GPR89B: variants seen among roughly 807,000 people sequenced by gnomAD.
GPR89B encodes G protein-coupled receptor 89B.
In GPR89B, 25 loss-of-function variants were observed where a neutral mutation model predicts 52.4. The ratio of observed to expected loss-of-function variants is 0.48; its 90% confidence interval spans 0.35 to 0.67. The LOEUF (loss-of-function observed/expected upper bound fraction) is 0.67, where lower values mean the gene tolerates loss of function less well. GPR89B is among the 30% of genes least tolerant of loss of function. The pLI is 0.01. For missense variants in GPR89B, 146 were observed against 450.2 expected (o/e 0.32, Z 6.11); for synonymous variants, 52 against 151.2 (o/e 0.34, Z 4.81).
At chr1:147,986,012 T>C (rs2149092747) in intron 10 of GPR89B, among the ~76,000 whole-genome samples, 187 bp from the exon 11 acceptor site, 1 of 152,362 alleles carries the variant, frequency 6.6e-6, no homozygotes, top group Non-Finnish European at 1.5e-5. Flanking sequence ...TAGGGACTTT[T>C]GTTTGCCTAT....
chr1:147,937,241 A>C (rs1654166047), intron 2 of GPR89B, among the ~76,000 whole-genome samples: 1 of 151,730 alleles, frequency 6.6e-6, no homozygotes, highest in African/African-American at 2.4e-5. Flanking sequence ...AAAACCAGCA[A>C]GTTTTTATTA....
chr1:147,990,901 C>G (rs2149096794), intron 12 of GPR89B, among the ~76,000 whole-genome samples: 1 of 151,764 alleles, frequency 6.6e-6, no homozygotes, highest in South Asian at 2.1e-4. Context: ...CAGCTTTGTT[C>G]TTTTGGCTTA....
chr1:147,982,253 G>C (rs1324625154), intron 10 of GPR89B, among the ~76,000 whole-genome samples: 1 of 151,324 alleles, frequency 6.6e-6, no homozygotes, highest in Non-Finnish European at 1.5e-5. Context: ...GTAGAGACAG[G>C]GTTTCACCAT....
the GPR89B span, among the ~76,000 whole-genome samples, chr1:148,018,909 G>T: frequency 1.3e-5 from 2 of 149,934 alleles, no homozygotes; most frequent in Non-Finnish European, 3.0e-5. Flanking sequence ...CAGGTGATCC[G>T]CCCGCCTCGG....
chr1:147,979,596 G>T (rs1284153935), intron 10 of GPR89B, among the ~76,000 whole-genome samples: 1 of 152,058 alleles, frequency 6.6e-6, no homozygotes, highest in African/African-American at 2.4e-5. Context: ...TCATGAAAAG[G>T]TGTTGGATTT....
intron 7 of GPR89B, among the ~76,000 whole-genome samples, chr1:147,956,755 T>TA (rs1304704817): frequency 9.9e-5 from 15 of 151,206 alleles, no homozygotes; most frequent in African/African-American, 3.4e-4. Context: ...TTTTTTTTTT[T>TA]AAGACGGAGT....
chr1:147,971,268 G>C (rs1260943085), intron 10 of GPR89B, among the ~76,000 whole-genome samples: 1 of 151,232 alleles, frequency 6.6e-6, no homozygotes, highest in Non-Finnish European at 1.5e-5. Context: ...TCCTGCCTCA[G>C]CCTCCCGAGT....
At chr1:148,024,014 G>A in the GPR89B span, among the ~76,000 whole-genome samples, 5 of 147,018 alleles carry the variant, frequency 3.4e-5, 1 homozygote, top group East Asian at 3.9e-4. Flanking sequence ...TCTTTGCCAC[G>A]TCTGATGTTG....
chr1:147,957,892 A>G (rs1182050214), intron 7 of GPR89B, among the ~76,000 whole-genome samples: 1 of 151,930 alleles, frequency 6.6e-6, no homozygotes, highest in East Asian at 1.9e-4. Flanking sequence ...GTGAAACCCC[A>G]TCTCTACTAA....
chr1:147,989,382 C>A (rs1280227963), intron 12 of GPR89B, among the ~76,000 whole-genome samples: 1 of 151,554 alleles, frequency 6.6e-6, no homozygotes, highest in Non-Finnish European at 1.5e-5. Flanking sequence ...TTTCCAAGAT[C>A]CTATAAATGG....
chr1:147,937,252 G>C lies in GPR89B; in HGVS notation c.102+566G>C, dbSNP rs587617534. ...CCACAAAACCAGCAAGTTTTTATTA[G>C]GGATTTCAAAAGGGGAGGGAGTGTA... is the stretch of plus-strand genomic sequence containing the variant. On this transcript the variant is annotated intron_variant, in intron 2 of 13. Transcript: ENST00000314163. 3.5e-3 allele frequency among the ~76,000 whole-genome samples: 532 copies of C among 151,768 alleles called. 6 individuals are homozygous for C. Among genetic ancestry groups the C allele is most frequent in the African/African-American group, 0.012 (498 of 41,136 alleles).
chr1:147,952,997 G>GTT (rs71228114), intron 5 of GPR89B, among the ~76,000 whole-genome samples: 14 of 128,856 alleles, frequency 1.1e-4, no homozygotes, highest in African/African-American at 3.2e-4. Context: ...TACTTTCTTA[G>GTT]TTTTTTTTTT....
the GPR89B span, among the ~76,000 whole-genome samples, chr1:148,018,278 G>A: frequency 2.1e-5 from 3 of 145,032 alleles, no homozygotes; most frequent in Admixed American, 2.0e-4. Flanking sequence ...AAATAGCCAG[G>A]CGTGGTGGCG....
At chr1:148,005,666 A>G in the GPR89B span, among the ~76,000 whole-genome samples, 1 of 152,176 alleles carries the variant, frequency 6.6e-6, no homozygotes, top group Non-Finnish European at 1.5e-5. Context: ...GTCAACCTTA[A>G]TGTTATCACA....
Position 147,968,735 on chromosome 1 carries a change from T to C in GPR89B, c.728-140T>C, listed in dbSNP as rs1182299676. The C allele has an allele frequency of 2.1e-5, 29 of 1,367,258 alleles. 1 individual carries two copies. In the African/African-American group the frequency reaches 3.5e-4, roughly 16 times the overall value. 84.7% of individuals were successfully genotyped at this position (1,367,258 alleles called of 1,614,324 possible). ...TTGGGAAAGTTGCTCTGAAGTAGTG[T>C]TGCTGGCTATGAAACAGGAAATTGA... is the stretch of plus-strand genomic sequence containing the variant. On this transcript the variant is annotated intron_variant, in intron 8 of 13. Transcript: ENST00000314163.
rs201906551 is a variant in GPR89B, at chr1:147,936,694, G to A, written c.102+8G>A. The A allele has an allele frequency of 3.3e-5, 53 of 1,603,410 alleles. 1 individual carries two copies. In the South Asian group the frequency reaches 3.7e-4, roughly 11 times the overall value. ...TTGTTTAAAGACTATGAGGTGAGAA[G>A]AAATCATTTTGTCATACTTACACTA... On this transcript the variant is annotated splice_region_variant and intron_variant, in intron 2 of 13. Coordinates refer to ENST00000314163, the MANE Select transcript of GPR89B (RefSeq NM_016334.5).
chr1:147,985,003 C>G (rs1337072272), intron 10 of GPR89B, among the ~76,000 whole-genome samples: 3 of 152,100 alleles, frequency 2.0e-5, no homozygotes, highest in African/African-American at 7.2e-5. Context: ...ATGTCAATTA[C>G]GTCAAATTCA....
rs1444984597 is a variant in GPR89B at position 147,992,628 on chromosome 1, C to G, written c.1161+61C>G. ...TAAAATATCAGAAATGTGCTTGATA[C>G]TTTTAAGAATTTTAATAATTTCCTT... is the stretch of plus-strand genomic sequence containing the variant. On this transcript the variant is annotated intron_variant, in intron 13 of 13. Coordinates refer to ENST00000314163, the MANE Select transcript of GPR89B (RefSeq NM_016334.5). 1.4e-5 allele frequency: 23 copies of G among 1,608,550 alleles called. 1 individual carries two copies. The highest frequency in any genetic ancestry group is 2.0e-5 in the Non-Finnish European group (23 of 1,177,232).
the GPR89B span, among the ~76,000 whole-genome samples, chr1:148,003,031 A>G: frequency 6.6e-6 from 1 of 152,188 alleles, no homozygotes; most frequent in East Asian, 1.9e-4. Context: ...ATCTCCCTTC[A>G]TTATGGACAT....
Sources: gnomAD v4.1 joint callset for allele counts (sites outside exome capture counted in the v4.1 genomes callset) on GRCh38, gnomAD v4.1.1 for gene constraint, MANE v1.5 for transcripts, NCBI Gene and HGNC (gene_info 2026-07-23, HGNC 2026-07-21) for gene names.